CHL1: variants seen among roughly 807,000 people sequenced by gnomAD.
CHL1 encodes cell adhesion molecule L1 like, also known as neural cell adhesion molecule L1-like protein.
A neutral mutation model predicts 141.9 loss-of-function variants in CHL1; 96 were observed. The observed-to-expected ratio is 0.68, with a 90% confidence interval of 0.57 to 0.80. The LOEUF (loss-of-function observed/expected upper bound fraction) is 0.80, where lower values mean the gene tolerates loss of function less well. CHL1 is among the 30% of genes least tolerant of loss of function. The probability of loss-of-function intolerance (pLI) is 0.00; values close to 1 mark genes in which losing one functional copy is unlikely to be tolerated. For missense variants in CHL1, 1,820 were observed against 1,457.2 expected, an observed-to-expected ratio of 1.25 and a Z score of -4.05; for synonymous variants, 613 against 502.2, an observed-to-expected ratio of 1.22 and a Z score of -2.95.
chr3:369,631 T>C (rs1705370172), intron 15 of CHL1, among the ~76,000 whole-genome samples: 1 of 152,260 alleles, frequency 6.6e-6, no homozygotes, highest in Non-Finnish European at 1.5e-5. Context: ...CTTCCAATAC[T>C]ATGTTGAATA....
chr3:342,503 A>T (rs1467284458), intron 7 of CHL1, among the ~76,000 whole-genome samples: 2 of 152,108 alleles, frequency 1.3e-5, no homozygotes, highest in Non-Finnish European at 2.9e-5. Context: ...TACTTGAATC[A>T]CCCTTTCCCG....
intron 9 of CHL1, among the ~76,000 whole-genome samples, chr3:347,891 G>C (rs73103166): frequency 6.6e-6 from 1 of 152,160 alleles, no homozygotes; most frequent in Admixed American, 6.6e-5. Context: ...TGCACAGCAC[G>C]TTAGTGTTTG....
At position 319,852 on chromosome 3, in the gene CHL1, G is replaced by A. The variant is rs1437296209; in HGVS notation, c.76G>A (p.Glu26Lys). The change falls in exon 3 of 28, where the codon GAA (glutamate) becomes AAA (lysine). Residue 26 changes from glutamate to lysine, a missense_variant. Physicochemically the swap from Glu to Lys is moderately conservative, Grantham distance 56. Coordinates refer to ENST00000256509, the MANE Select transcript of CHL1 (RefSeq NM_006614.4). Reference sequence around the variant, plus strand: ...CCTGTTAAAATTCTCAAAAGCAATTGAAATACCATCTTCAGGTAAAGTTAA... The same window carrying A: ...CCTGTTAAAATTCTCAAAAGCAATTAAAATACCATCTTCAGGTAAAGTTAA... Reference protein sequence around the residue: ...FLLLKFSKAIEIPSSVQQVPT... With the variant: ...FLLLKFSKAIKIPSSVQQVPT... 1.3e-6 allele frequency: 2 copies of A among 1,567,712 alleles called. No homozygotes were observed. Among genetic ancestry groups the A allele is most frequent in the East Asian group, 4.6e-5 (2 of 43,636 alleles).
intron 2 of CHL1, among the ~76,000 whole-genome samples, chr3:294,394 G>A (rs538086294): frequency 2.0e-5 from 3 of 152,088 alleles, no homozygotes; most frequent in African/African-American, 4.8e-5. Flanking sequence ...TTGAGTTAAC[G>A]AGGAAGGTAA....
At chr3:312,880 C>A (rs1022466715) in intron 2 of CHL1, among the ~76,000 whole-genome samples, 3 of 152,124 alleles carry the variant, frequency 2.0e-5, no homozygotes, top group Non-Finnish European at 2.9e-5. Flanking sequence ...AATTTGGATG[C>A]CAGTGTCATA....
intron 2 of CHL1, among the ~76,000 whole-genome samples, chr3:265,987 C>G (rs985623325): frequency 6.6e-6 from 1 of 152,174 alleles, no homozygotes; most frequent in African/African-American, 2.4e-5. Flanking sequence ...AGTGGTGGTT[C>G]TTAGTCTGTG....
chr3:327,621 T>C (rs143866200), intron 4 of CHL1, among the ~76,000 whole-genome samples: 5 of 152,104 alleles, frequency 3.3e-5, no homozygotes, highest in East Asian at 1.9e-4. Flanking sequence ...AGTAATTAAA[T>C]TAGTAACCAT....
intron 2 of CHL1, among the ~76,000 whole-genome samples, chr3:256,126 AAGG>A (rs902610114): frequency 1.3e-5 from 2 of 152,248 alleles, no homozygotes; most frequent in Admixed American, 1.3e-4. Flanking sequence ...TAAGCGAAGT[AAGG>A]AGGTTTCATG....
chr3:358,699 A>T (rs933944927), intron 11 of CHL1, among the ~76,000 whole-genome samples: 1 of 152,060 alleles, frequency 6.6e-6, no homozygotes, highest in Non-Finnish European at 1.5e-5. Flanking sequence ...GAGAGCTCAC[A>T]GTCAAGTGAA....
chr3:318,518 A>G (rs1454472008), intron 2 of CHL1, among the ~76,000 whole-genome samples: 3 of 151,890 alleles, frequency 2.0e-5, no homozygotes, highest in East Asian at 1.9e-4. Flanking sequence ...TTAGACATCT[A>G]TTAACACAAT....
intron 2 of CHL1, among the ~76,000 whole-genome samples, chr3:301,296 G>C (rs1698704930): frequency 6.6e-6 from 1 of 152,154 alleles, no homozygotes; most frequent in South Asian, 2.1e-4. Context: ...GGTTCACCTA[G>C]TGTTTCAGAT....
At chr3:320,216 A>G (rs1700455051) in intron 3 of CHL1, among the ~76,000 whole-genome samples, 1 of 152,200 alleles carries the variant, frequency 6.6e-6, no homozygotes, top group Non-Finnish European at 1.5e-5. Context: ...AGATTCAGAA[A>G]TTACTGGCAT....
In CHL1 at chr3:346,097, A is replaced by C. The variant is rs115512468; in HGVS notation, c.848+1388A>C. On this transcript the variant is annotated intron_variant, in intron 9 of 27. Transcript: ENST00000256509. The stretch of plus-strand genomic sequence containing the variant: ...AGTGGACTAGGATTTGAAATTCAAA[A>C]AATCATATTCATTCATAATTTAGAG... Among the ~76,000 whole-genome samples, 579 of 152,324 alleles carry C rather than the reference A, an allele frequency of 3.8e-3. 5 individuals carry two copies. Among genetic ancestry groups the C allele is most frequent in the African/African-American group, 0.013 (520 of 41,570 alleles).
intron 1 of CHL1, among the ~76,000 whole-genome samples, chr3:227,500 C>T (rs1456164774): frequency 3.3e-5 from 5 of 152,080 alleles, no homozygotes. Context: ...ATATCATTTT[C>T]AAAGACAATA....
At chr3:404,923 G>A (rs1261962072) in intron 27 of CHL1, among the ~76,000 whole-genome samples, 1 of 152,144 alleles carries the variant, frequency 6.6e-6, no homozygotes, top group Non-Finnish European at 1.5e-5. Flanking sequence ...AGAGCAAAGT[G>A]CCAGCATTTT....
chr3:292,120 A>G (rs1437015983), intron 2 of CHL1, among the ~76,000 whole-genome samples: 4 of 152,236 alleles, frequency 2.6e-5, no homozygotes, highest in Admixed American at 6.5e-5. Flanking sequence ...TAGAAGTCAT[A>G]AAAGTGTTCC....
chr3:382,050 C>A (rs964604713), intron 16 of CHL1, 129 bp from the exon 17 acceptor site: 2 of 526,198 alleles, frequency 3.8e-6, no homozygotes, highest in Non-Finnish European at 3.2e-6. Flanking sequence ...GGGTGGGGGG[C>A]GGGGGTGCTT....
chr3:223,364 G>T (rs1036330319), intron 1 of CHL1, among the ~76,000 whole-genome samples: 4 of 152,128 alleles, frequency 2.6e-5, no homozygotes, highest in African/African-American at 7.2e-5. Flanking sequence ...TCTTATGGAG[G>T]TAAGATGACT....
chr3:307,885 A>T (rs1490560595), intron 2 of CHL1, among the ~76,000 whole-genome samples: 1 of 152,210 alleles, frequency 6.6e-6, no homozygotes, highest in Non-Finnish European at 1.5e-5. Context: ...ACATTACCAC[A>T]CAGCCTATGC....
Sources: gnomAD v4.1 joint callset for allele counts (sites outside exome capture counted in the v4.1 genomes callset) on GRCh38, gnomAD v4.1.1 for gene constraint, MANE v1.5 for transcripts, NCBI Gene and HGNC (gene_info 2026-07-23, HGNC 2026-07-21) for gene names.